The following KIF1B variants were observed in gnomAD, a reference collection of about 807,000 sequenced individuals.
The protein encoded by KIF1B is kinesin-like protein KIF1B.
In KIF1B, 76 loss-of-function variants were observed where a neutral mutation model predicts 241.9. The ratio of observed to expected loss-of-function variants is 0.31; its 90% CI spans 0.26 to 0.38. The LOEUF (loss-of-function observed/expected upper bound fraction) is 0.38, where lower values mean the gene tolerates loss of function less well. Among genes scored for constraint, KIF1B ranks in the 10% least tolerant of loss-of-function variants. The pLI is 1.00. For missense variants in KIF1B, 1,622 were observed against 2,271.4 expected (o/e 0.71, Z 5.81); for synonymous variants, 750 against 796.7 (o/e 0.94, Z 0.99).
rs541724762 is a variant in KIF1B, at chr1:10,256,706, T to A, written c.183+383T>A. ...GGAAATGCCAAATAATAATAATAAT[T>A]ATTATTATTATTATTTTTCTTCTGA... On this transcript the variant is annotated intron_variant, in intron 3 of 48. Coordinates refer to ENST00000676179, the MANE Select transcript of KIF1B (RefSeq NM_001365951.3). Among the ~76,000 whole-genome samples the A allele has an allele frequency of 1.5e-3, 213 of 145,222 alleles. 1 individual carries two copies. Among genetic ancestry groups the A allele is most frequent in the African/African-American group, 5.1e-3 (199 of 39,396 alleles).
In KIF1B at chr1:10,334,566, C is replaced by A; in HGVS notation, c.2971C>A (p.His991Asn). 6.2e-7 allele frequency: 1 copy of A among 1,614,044 alleles called. No individual in the cohort carries two copies. The highest frequency in any genetic ancestry group is 8.5e-7 in the Non-Finnish European group (1 of 1,179,962). The stretch of plus-strand genomic sequence containing the variant: ...TCTGCTGTATCCCGTGCCCCTGATC[C>A]ACAGGGTGGCCATCGTCAGTGAGAA... ...SNLLYPVPLI[H>N]RVAIVSEKGE... Residue 991 changes from histidine (H) to asparagine (N), a missense_variant, in exon 28 of 49, where the codon CAC (histidine) becomes AAC (asparagine). His to Asn is a moderately conservative substitution (Grantham distance 68, BLOSUM62 1). Around this residue, in one of 7 missense-constraint regions of KIF1B, gnomAD observed 803 missense variants for 1,112.0 expected, o/e 0.72. Transcript: ENST00000676179.
chr1:10,239,763 A>T (rs1296749359), intron 2 of KIF1B, among the ~76,000 whole-genome samples: 1 of 149,094 alleles, frequency 6.7e-6, no homozygotes, highest in Non-Finnish European at 1.5e-5. Context: ...GCCCACCACC[A>T]TGCCTGGCTA....
intron 15 of KIF1B, among the ~76,000 whole-genome samples, chr1:10,288,893 C>T (rs1371931026): frequency 6.6e-6 from 1 of 152,010 alleles, no homozygotes; most frequent in Non-Finnish European, 1.5e-5. Flanking sequence ...TCTGGAAGTC[C>T]AAGAGATCCA....
At chr1:10,313,862 TATAAAC>T (rs1292295683) in intron 22 of KIF1B, among the ~76,000 whole-genome samples, 1 of 151,128 alleles carries the variant, frequency 6.6e-6, no homozygotes, top group African/African-American at 2.5e-5. Context: ...TAGGATTTCT[TATAAAC>T]ATAAATGTCT....
intron 2 of KIF1B, among the ~76,000 whole-genome samples, chr1:10,238,160 C>T (rs1030293572): frequency 6.7e-6 from 1 of 149,840 alleles, no homozygotes. Context: ...TTGGGTGGGT[C>T]ACCTCAGGTC....
intron 24 of KIF1B, among the ~76,000 whole-genome samples, chr1:10,322,066 T>C (rs943955329): frequency 1.3e-5 from 2 of 152,244 alleles, no homozygotes; most frequent in African/African-American, 4.8e-5. Flanking sequence ...TTTTAAAACA[T>C]GTTTTCTAGC....
At chr1:10,361,193 A>C (rs775146530) in intron 39 of KIF1B, 150 bp downstream of exon 39, 4 of 704,738 alleles carry the variant, frequency 5.7e-6, no homozygotes, top group Non-Finnish European at 1.0e-5. Flanking sequence ...TACATTGCTA[A>C]CTCTTCTGAT....
At position 10,245,122 on chromosome 1, in the gene KIF1B, TTAGA is replaced by T; in HGVS notation, c.107-11122_107-11119del. On this transcript the variant is annotated intron_variant, in intron 2 of 48. Coordinates refer to ENST00000676179, the MANE Select transcript of KIF1B (RefSeq NM_001365951.3). ...AGTATAATTACTAGACACTGAGATA[TTAGA>T]TAAATTTATTCTGGGGAATTAAAAG... Among the ~76,000 whole-genome samples, 3 of 152,344 alleles carry T rather than the reference TTAGA, an allele frequency of 2.0e-5. No homozygotes were observed. In the East Asian group the frequency reaches 5.8e-4, roughly 29 times the overall value.
chr1:10,293,774 A>G (rs1049870888), intron 17 of KIF1B, among the ~76,000 whole-genome samples: 5 of 152,200 alleles, frequency 3.3e-5, no homozygotes, highest in Non-Finnish European at 5.9e-5. Context: ...GTTGAGATGT[A>G]CACTGCATGG....
At chr1:10,264,073 A>C (rs531145307) in intron 5 of KIF1B, among the ~76,000 whole-genome samples, 26 of 152,122 alleles carry the variant, frequency 1.7e-4, no homozygotes, top group Non-Finnish European at 3.1e-4. Context: ...GCTTACCTTG[A>C]CCACCTTATT....
At chr1:10,243,949 C>T (rs1001972740) in intron 2 of KIF1B, among the ~76,000 whole-genome samples, 1 of 118,260 alleles carries the variant, frequency 8.5e-6, no homozygotes, top group Non-Finnish European at 1.9e-5. Context: ...TTAGGAAGAG[C>T]AGAATTGTTG....
chr1:10,252,386 T>TTTGTTGTTGTTGTTGTTGTTG (rs70997214), intron 2 of KIF1B, among the ~76,000 whole-genome samples: 3 of 149,824 alleles, frequency 2.0e-5, no homozygotes, highest in African/African-American at 7.4e-5. Flanking sequence ...TTGTGGGGTT[T>TTTGTTGTTGTTGTTGTTGTTG]TTGTTGTTGT....
At position 10,365,089 on chromosome 1, in the gene KIF1B, T is replaced by C. The variant is rs1291172758; in HGVS notation, c.4367-11T>C. The C allele has an allele frequency of 6.8e-6, 11 of 1,613,134 alleles. No individual in the cohort carries two copies. Among genetic ancestry groups the C allele is most frequent in the Non-Finnish European group, 7.6e-6 (9 of 1,179,574 alleles). On this transcript the variant is annotated splice_polypyrimidine_tract_variant and intron_variant, in intron 41 of 48. Transcript: ENST00000676179. The surrounding 1 kb of genome is among the most constrained non-coding windows in gnomAD (Gnocchi z 4.0). ...TTTTCTGAAACAAAAACTTGTTTCCTCTTGTCTTAGGTATGCAGAGAAGGA... is the reference window on the plus strand; with the variant it reads ...TTTTCTGAAACAAAAACTTGTTTCCCCTTGTCTTAGGTATGCAGAGAAGGA...
At chr1:10,313,166 A>G (rs2102284393) in intron 22 of KIF1B, among the ~76,000 whole-genome samples, 1 of 151,428 alleles carries the variant, frequency 6.6e-6, no homozygotes, top group South Asian at 2.1e-4. Flanking sequence ...CCCTGGTTCA[A>G]GCGATTCTTG....
At chr1:10,272,560 AT>A (rs898619160) in intron 9 of KIF1B, 4 of 551,682 alleles carry the variant, frequency 7.3e-6, no homozygotes, top group East Asian at 3.5e-5. Flanking sequence ...GGTTTGACTC[AT>A]TTTTTTGAGC....
At position 10,296,617 on chromosome 1, in the gene KIF1B, A is replaced by G. The variant is rs750733389; in HGVS notation, c.1813A>G (p.Thr605Ala). 1 of 1,613,944 alleles carries G rather than the reference A, an allele frequency of 6.2e-7. No homozygotes were observed. The highest frequency in any genetic ancestry group is 1.1e-5 in the South Asian group (1 of 91,060). Residue 605 changes from threonine to alanine, a missense_variant, in exon 20 of 49, where the codon ACC becomes GCC. Coordinates refer to ENST00000676179, the MANE Select transcript of KIF1B (RefSeq NM_001365951.3). ...VTLEPCERSE[T>A]YVNGKRVSQP... ...CTTAGAGCCCTGTGAGCGCTCAGAA[A>G]CCTACGTAAATGGCAAGAGGGTGTC...
chr1:10,342,310 C>T (rs1443636588), intron 33 of KIF1B, 142 bp downstream of exon 33: 4 of 707,776 alleles, frequency 5.7e-6, no homozygotes, highest in Non-Finnish European at 1.0e-5. Context: ...TTAGAAACTT[C>T]ACTATCATCT....
chr1:10,216,819 C>A (rs1008494966), intron 1 of KIF1B, among the ~76,000 whole-genome samples: 4 of 152,050 alleles, frequency 2.6e-5, no homozygotes, highest in Non-Finnish European at 5.9e-5. Context: ...ACTTCTCTGC[C>A]CTCTTTCTTC....
At chr1:10,355,399 A>G (rs1294304521) in intron 38 of KIF1B, 2 of 151,912 alleles carry the variant, frequency 1.3e-5, no homozygotes, top group African/African-American at 4.9e-5. Flanking sequence ...ATTCCTAGGT[A>G]TTGTCTGTTT....
Sources: allele counts gnomAD v4.1 joint callset (sites outside exome capture counted in the v4.1 genomes callset), GRCh38; gene constraint gnomAD v4.1.1; regional missense constraint gnomAD v4.1.1; non-coding constraint Gnocchi (gnomAD v3.1); transcripts MANE v1.5; gene names NCBI Gene and HGNC (gene_info 2026-07-23, HGNC 2026-07-21).